Variants in OSBPL10 observed in about 807,000 individuals in gnomAD.
OSBPL10 encodes oxysterol-binding protein-related protein 10.
A neutral mutation model predicts 81.7 loss-of-function variants in OSBPL10; 49 were observed. The observed-to-expected ratio is 0.60, with a 90% CI of 0.48 to 0.76. The LOEUF (loss-of-function observed/expected upper bound fraction) is 0.76, where lower values mean the gene tolerates loss of function less well. Ranked by LOEUF, OSBPL10 falls within the 30% of genes least tolerant of loss-of-function variation. OSBPL10 has a pLI of 0.00. For missense variants in OSBPL10, 923 were observed against 987.8 expected (o/e 0.93, Z 0.88); for synonymous variants, 419 against 383.6 (o/e 1.09, Z -1.08).
chr3:31,938,567 G>T (rs1697447057), intron 1 of OSBPL10, among the ~76,000 whole-genome samples: 1 of 152,092 alleles, frequency 6.6e-6, no homozygotes, highest in South Asian at 2.1e-4. Context: ...GGAGTGCAGT[G>T]GTGCGATCAT....
intron 1 of OSBPL10, among the ~76,000 whole-genome samples, chr3:31,893,224 A>G (rs114186382): frequency 0.017 from 2,516 of 152,366 alleles, 27 homozygotes; most frequent in Middle Eastern, 0.034. Context: ...AACTAAGAGA[A>G]GCAACCCATT....
intron 7 of OSBPL10, among the ~76,000 whole-genome samples, chr3:31,694,449 T>C (rs1226584527): frequency 6.6e-6 from 1 of 151,542 alleles, no homozygotes; most frequent in Non-Finnish European, 1.5e-5. Context: ...TTCTTTTGTA[T>C]CTGTTCAATA....
At chr3:31,972,451 A>G (rs9822653) in intron 1 of OSBPL10, among the ~76,000 whole-genome samples, 65,135 of 152,048 alleles carry the variant, frequency 0.43, 16,874 homozygotes, top group East Asian at 0.77. Flanking sequence ...AAAAGCCCAG[A>G]TCAGCTGCAG....
chr3:31,782,473 G>A (rs1319179105), intron 4 of OSBPL10, among the ~76,000 whole-genome samples: 2 of 152,184 alleles, frequency 1.3e-5, no homozygotes, highest in African/African-American at 4.8e-5. Flanking sequence ...TTTCTGCACA[G>A]CAAAAGAAAT....
At chr3:31,974,839 G>C (rs541310163) in intron 1 of OSBPL10, among the ~76,000 whole-genome samples, 17 of 152,286 alleles carry the variant, frequency 1.1e-4, no homozygotes, top group Non-Finnish European at 2.2e-4. Flanking sequence ...TATATGATTT[G>C]TGTACTTTTC....
rs545187611 is a variant in OSBPL10, at chr3:31,734,681, T to C, written c.941-1270A>G. Among the ~76,000 whole-genome samples the C allele has an allele frequency of 4.6e-5, 7 of 152,274 alleles. No homozygotes were observed. In the East Asian group the frequency reaches 1.4e-3, roughly 29 times the overall value. ...TGAGCCAAGGAGGTCAAGGCTGTAG[T>C]AAACCCAAATCATGCCACTGCACTC... On this transcript the variant is annotated intron_variant, in intron 5 of 11. Coordinates refer to ENST00000396556, the MANE Select transcript of OSBPL10 (RefSeq NM_017784.5).
At chr3:31,981,329 G>A (rs1197106661), upstream of OSBPL10, 2 of 1,236,484 alleles carry the variant, frequency 1.6e-6, no homozygotes, top group Non-Finnish European at 2.0e-6. This position sits in a 1 kb window ranked among gnomAD's most constrained non-coding sequence, Gnocchi z 4.5. Context: ...GGAAGAGGAG[G>A]AGGAGGCGAA....
intron 4 of OSBPL10, among the ~76,000 whole-genome samples, chr3:31,813,783 C>G (rs1165686591): frequency 6.6e-6 from 1 of 152,172 alleles, no homozygotes; most frequent in Admixed American, 6.5e-5. Context: ...TGCCTTGGCC[C>G]TCTCTAAGCC....
At chr3:31,951,649 T>C (rs1020300844) in intron 1 of OSBPL10, among the ~76,000 whole-genome samples, 3 of 151,112 alleles carry the variant, frequency 2.0e-5, no homozygotes, top group Non-Finnish European at 4.4e-5. Flanking sequence ...AAAAGCTATT[T>C]AGATCATTTA....
At chr3:31,999,564 T>G (rs965820122) in intron 2 of OSBPL10, among the ~76,000 whole-genome samples, 1 of 152,006 alleles carries the variant, frequency 6.6e-6, no homozygotes, top group African/African-American at 2.4e-5. Context: ...TTCTCCATGT[T>G]TTTTTAGGCT....
intron 7 of OSBPL10, among the ~76,000 whole-genome samples, chr3:31,699,925 T>C (rs940117932): frequency 6.6e-6 from 1 of 152,216 alleles, no homozygotes; most frequent in African/African-American, 2.4e-5. Context: ...AGTTCTTCCA[T>C]TGCTTATTTA....
intron 7 of OSBPL10, among the ~76,000 whole-genome samples, chr3:31,693,508 A>C (rs1004296019): frequency 6.6e-6 from 1 of 152,134 alleles, no homozygotes. Context: ...TACACAGGTA[A>C]TGATGTCATT....
intron 1 of OSBPL10, chr3:31,960,185 T>C (rs986155899): frequency 4.6e-5 from 7 of 152,150 alleles, no homozygotes; most frequent in Non-Finnish European, 7.3e-5. Flanking sequence ...AGTCTGGGAA[T>C]CTGGCAGATA....
At chr3:31,765,765 C>A (rs1698177672) in intron 4 of OSBPL10, among the ~76,000 whole-genome samples, 1 of 152,096 alleles carries the variant, frequency 6.6e-6, no homozygotes, top group Admixed American at 6.5e-5. Context: ...CTTGCTCTAT[C>A]AAGACTGAGA....
chr3:31,923,605 T>C (rs1015051563), intron 1 of OSBPL10, among the ~76,000 whole-genome samples: 3 of 152,092 alleles, frequency 2.0e-5, no homozygotes, highest in Admixed American at 6.6e-5. Flanking sequence ...GACTTGGAAA[T>C]ATAACAAGAC....
At chr3:31,887,562 T>C (rs1200456932) in intron 1 of OSBPL10, among the ~76,000 whole-genome samples, 3 of 152,110 alleles carry the variant, frequency 2.0e-5, no homozygotes, top group Non-Finnish European at 4.4e-5. Flanking sequence ...AACCCCAAAA[T>C]ATGCTCAACC....
intron 2 of OSBPL10, among the ~76,000 whole-genome samples, chr3:31,993,718 A>G (rs922255699): frequency 6.6e-6 from 1 of 151,746 alleles, no homozygotes; most frequent in African/African-American, 2.4e-5. Context: ...AACTGAGGAT[A>G]CCAAGTGCTG....
At chr3:31,733,691 T>G (rs983970930) in intron 5 of OSBPL10, among the ~76,000 whole-genome samples, 3 of 110,944 alleles carry the variant, frequency 2.7e-5, no homozygotes, top group South Asian at 2.7e-4. Flanking sequence ...AGGTGTTTTT[T>G]TTTTTTTTTT....
chr3:32,010,046 A>G (rs1277156259), intron 2 of OSBPL10, among the ~76,000 whole-genome samples: 1 of 152,208 alleles, frequency 6.6e-6, no homozygotes, highest in African/African-American at 2.4e-5. Context: ...ATGAAGTTGT[A>G]ACGGTAGGGC....
Sources: allele counts gnomAD v4.1 joint callset (sites outside exome capture counted in the v4.1 genomes callset), GRCh38; gene constraint gnomAD v4.1.1; non-coding constraint Gnocchi (gnomAD v3.1); transcripts MANE v1.5; gene names NCBI Gene and HGNC (gene_info 2026-07-23, HGNC 2026-07-21).